The following CDC42BPB variants were observed in gnomAD, a reference collection of about 807,000 sequenced individuals.
CDC42BPB encodes serine/threonine-protein kinase MRCK beta.
A neutral mutation model predicts 214.9 loss-of-function variants in CDC42BPB; 37 were observed. That is an observed-to-expected ratio of 0.17 (90% CI 0.13 to 0.23). CDC42BPB has a LOEUF of 0.23. CDC42BPB is among the 10% of genes least tolerant of loss of function. The pLI is 1.00. For synonymous variants in CDC42BPB, 931 were observed against 884.0 expected (o/e 1.05, Z -0.94); for missense variants, 1,694 against 2,227.0 (o/e 0.76, Z 4.82).
chr14:103,036,999 T>C (rs967142810), intron 1 of CDC42BPB, among the ~76,000 whole-genome samples: 1 of 152,012 alleles, frequency 6.6e-6, no homozygotes, highest in Non-Finnish European at 1.5e-5. Flanking sequence ...TGTTTTTTTT[T>C]GTAGAGACAG....
chr14:102,933,274 AG>A lies in CDC42BPB; in HGVS notation c.*437del, dbSNP rs1418164598. The A allele has an allele frequency of 4.4e-5, 7 of 157,424 alleles. No individual in the cohort carries two copies. The highest frequency in any genetic ancestry group is 2.6e-4 in the Admixed American group (4 of 15,434). 9.8% of individuals were successfully genotyped at this position (157,424 alleles called of 1,614,324 possible). ...ATTCTAGTGACACTGGGAATGCTAT[AG>A]GACCTCCTACTATTCTCTTAAGGTC... is the stretch of plus-strand genomic sequence containing the variant. On this transcript the variant is annotated 3_prime_UTR_variant, in exon 37 of 37. Transcript: ENST00000361246.
chr14:103,004,246 T>G lies in CDC42BPB; in HGVS notation c.352-223A>C. 8.5e-7 allele frequency: 1 copy of G among 1,183,104 alleles called. No individual in the cohort carries two copies. The highest frequency in any genetic ancestry group is 1.1e-6 in the Non-Finnish European group (1 of 925,374). The allele number at this position is 1,183,104 out of a possible 1,614,324, so 73.3% of individuals were successfully genotyped here. A position where few individuals can be genotyped will look rare whatever the true frequency, so the allele number is the denominator to read the frequency against. ...TGCCAAGGGCTGCTGAGGAGGCACT[T>G]GCACCCTGCTGTCCCACGGGCACCA... On this transcript the variant is annotated intron_variant, in intron 3 of 36. Coordinates refer to ENST00000361246, the MANE Select transcript of CDC42BPB (RefSeq NM_006035.4). The surrounding 1 kb of genome is among the most constrained non-coding windows in gnomAD (Gnocchi z 5.3).
At chr14:102,951,659 T>C (rs924366397) in intron 24 of CDC42BPB, among the ~76,000 whole-genome samples, 18 of 151,252 alleles carry the variant, frequency 1.2e-4, no homozygotes, top group African/African-American at 4.1e-4. Flanking sequence ...CATGGTGGCG[T>C]GGGCCTGTCC....
intron 1 of CDC42BPB, among the ~76,000 whole-genome samples, chr14:103,047,690 G>A (rs1888370651): frequency 6.6e-6 from 1 of 152,126 alleles, no homozygotes; most frequent in South Asian, 2.1e-4. Context: ...GATTCCCTGA[G>A]CTCAGGAGTT....
At chr14:102,946,871 G>A in intron 27 of CDC42BPB, 187 bp from the exon 28 acceptor site, 1 of 985,456 alleles carries the variant, frequency 1.0e-6, no homozygotes, top group East Asian at 1.1e-4. Flanking sequence ...CACGGAAGGG[G>A]CGGGGTTCTA....
chr14:102,975,652 G>A lies in CDC42BPB; in HGVS notation c.1507+32C>T, dbSNP rs779763507. The A allele has an allele frequency of 4.4e-6, 7 of 1,607,272 alleles. No individual in the cohort carries two copies. In the African/African-American group the frequency reaches 6.7e-5, roughly 15 times the overall value. ...TTTAAGACAGTAATGACCAAAAATA[G>A]AGACTAAGAAGTCACACTTTTAAAC... On this transcript the variant is annotated intron_variant, in intron 11 of 36. Coordinates refer to ENST00000361246, the MANE Select transcript of CDC42BPB (RefSeq NM_006035.4).
chr14:103,006,352 C>T (rs913258514), intron 3 of CDC42BPB, among the ~76,000 whole-genome samples: 10 of 152,240 alleles, frequency 6.6e-5, no homozygotes, highest in Admixed American at 1.3e-4. Flanking sequence ...CCTGTGCCAA[C>T]GCCTCCAGGA....
At chr14:102,955,990 C>T (rs1336330974) in intron 21 of CDC42BPB, among the ~76,000 whole-genome samples, 1 of 152,206 alleles carries the variant, frequency 6.6e-6, no homozygotes, top group Admixed American at 6.5e-5. Context: ...AAGGCTAGCT[C>T]GACTGGCTAA....
chr14:102,960,074 G>A (rs1892890847), intron 20 of CDC42BPB, among the ~76,000 whole-genome samples: 1 of 152,020 alleles, frequency 6.6e-6, no homozygotes, highest in Admixed American at 6.6e-5. Context: ...GTGCATGGTG[G>A]TATGTGCCTG....
intron 1 of CDC42BPB, among the ~76,000 whole-genome samples, chr14:103,019,273 T>C (rs976446262): frequency 6.6e-6 from 1 of 152,180 alleles, no homozygotes; most frequent in Admixed American, 6.5e-5. Context: ...ACGGCCGCCC[T>C]GCAGCTCAGA....
In CDC42BPB at chr14:102,946,689, A is replaced by G. The variant is rs1162991292; in HGVS notation, c.3532-5T>C. On this transcript the variant is annotated splice_polypyrimidine_tract_variant and splice_region_variant and intron_variant, in intron 27 of 36. Transcript: ENST00000361246. Reference sequence around the variant, plus strand: ...ACCTAAGAGAGAGGCCGTCACCTTCATGACAGGAAACAGAAGAGAAGAGAG... The same window carrying G: ...ACCTAAGAGAGAGGCCGTCACCTTCGTGACAGGAAACAGAAGAGAAGAGAG... 1.9e-6 allele frequency: 3 copies of G among 1,612,550 alleles called. No homozygotes were observed. Among genetic ancestry groups the G allele is most frequent in the Non-Finnish European group, 2.5e-6 (3 of 1,179,852 alleles).
chr14:103,021,320 G>T (rs1886759119), intron 1 of CDC42BPB, among the ~76,000 whole-genome samples: 1 of 152,134 alleles, frequency 6.6e-6, no homozygotes, highest in African/African-American at 2.4e-5. Context: ...AAAAAAATTA[G>T]CCAGGCGTGG....
chr14:102,998,209 G>A (rs745782946), intron 5 of CDC42BPB, among the ~76,000 whole-genome samples: 5 of 152,172 alleles, frequency 3.3e-5, no homozygotes, highest in African/African-American at 4.8e-5. Flanking sequence ...AGAGATGGGT[G>A]ACAGAGAGAA....
chr14:102,998,806 G>C lies in CDC42BPB; in HGVS notation c.596+759C>G, dbSNP rs111833582. On this transcript the variant is annotated intron_variant, in intron 5 of 36. Coordinates refer to ENST00000361246, the MANE Select transcript of CDC42BPB (RefSeq NM_006035.4). The stretch of plus-strand genomic sequence containing the variant: ...CACAGAGAAGACCAGAGTTGAGAAA[G>C]AATGTGGGGACAGAGGGCCCCAGGC... Among the ~76,000 whole-genome samples, 297 of 152,328 alleles carry C rather than the reference G, an allele frequency of 1.9e-3. 1 individual carries two copies. Among genetic ancestry groups the C allele is most frequent in the African/African-American group, 6.8e-3 (283 of 41,584 alleles).
At chr14:102,963,968 GTAAAACCAGA>G (rs1481635740) in intron 19 of CDC42BPB, among the ~76,000 whole-genome samples, 1 of 151,896 alleles carries the variant, frequency 6.6e-6, no homozygotes, top group Non-Finnish European at 1.5e-5. Context: ...TCGTATCCTC[GTAAAACCAGA>G]TCTGCAAAGA....
At position 102,954,643 on chromosome 14, in the gene CDC42BPB, C is replaced by T; in HGVS notation, c.2947G>A (p.Ala983Thr). The change falls in exon 22 of 37, where the codon GCG (alanine) becomes ACG (threonine). Residue 983 changes from alanine to threonine, a missense_variant. By Grantham distance (58) the Ala-to-Thr change is moderately conservative (BLOSUM62 0). Around this residue, in one of 7 missense-constraint regions of CDC42BPB, gnomAD observed 156 missense variants for 154.5 expected, o/e 1.01. Transcript: ENST00000361246. The part of the protein sequence containing the change: ...EQETQAPKPE[A>T]SPSMSVAASE... ...GCAGCCACAGACATCGACGGGGACG[C>T]TTCTGGCTTCGGAGCTTGTGTTTCT... The T allele has an allele frequency of 6.2e-7, 1 of 1,614,060 alleles. No homozygotes were observed. The highest frequency in any genetic ancestry group is 8.5e-7 in the Non-Finnish European group (1 of 1,179,978).
intron 5 of CDC42BPB, among the ~76,000 whole-genome samples, chr14:102,992,912 T>C (rs1404504861): frequency 2.6e-5 from 4 of 151,992 alleles, no homozygotes; most frequent in East Asian, 1.9e-4. Flanking sequence ...CTGCAACCTC[T>C]TGACTCCCTG....
At chr14:102,939,981 G>A (rs373046706) in intron 32 of CDC42BPB, 34 bp from the exon 33 acceptor site, 56 of 1,613,556 alleles carry the variant, frequency 3.5e-5, no homozygotes, top group Middle Eastern at 3.3e-4. Context: ...ACGGTGCTGC[G>A]GCACCAGGGA....
chr14:102,997,324 A>C lies in CDC42BPB; in HGVS notation c.596+2241T>G, dbSNP rs117525506. Among the ~76,000 whole-genome samples, 273 of 152,334 alleles carry C rather than the reference A, an allele frequency of 1.8e-3. 5 individuals carry two copies. The East Asian group carries it at 0.046, about 25-fold the overall frequency. On this transcript the variant is annotated intron_variant, in intron 5 of 36. Coordinates refer to ENST00000361246, the MANE Select transcript of CDC42BPB (RefSeq NM_006035.4). ...CCACACTGGATAAAGCACCAGTCAC[A>C]GACACACATGGAATAAAGGCACTGA... is the stretch of plus-strand genomic sequence containing the variant.
Sources: gnomAD v4.1 joint callset for allele counts (sites outside exome capture counted in the v4.1 genomes callset) on GRCh38, gnomAD v4.1.1 for gene constraint, gnomAD v4.1.1 regional missense constraint, Gnocchi (gnomAD v3.1) non-coding constraint, MANE v1.5 for transcripts, NCBI Gene and HGNC (gene_info 2026-07-23, HGNC 2026-07-21) for gene names.